Variants in HOXA5 observed in about 807,000 individuals in gnomAD.
HOXA5 encodes the protein homeobox protein Hox-A5.
Under a neutral mutation model 20.0 loss-of-function variants are expected in HOXA5, and 12 were observed. The ratio of observed to expected loss-of-function variants is 0.60; its 90% confidence interval spans 0.38 to 0.97. HOXA5 has a LOEUF of 0.97. HOXA5 is among the 50% of genes least tolerant of loss of function. HOXA5 has a pLI of 0.00. For synonymous variants in HOXA5, 159 were observed against 157.7 expected (o/e 1.01, Z -0.06); for missense variants, 352 against 380.3 (o/e 0.93, Z 0.62).
intron 1 of HOXA5, chr7:27,142,726 C>T (rs1413306030): frequency 2.8e-6 from 1 of 358,610 alleles, no homozygotes; most frequent in Non-Finnish European, 5.0e-6. Flanking sequence ...CATCCTCTAC[C>T]TCTCTGCGCC....
In HOXA5 at chr7:27,143,515, G is replaced by C. The variant is rs1175219904; in HGVS notation, c.93C>G (p.Ser31Arg). The change falls in exon 1 of 2, where the codon AGC becomes AGG. Residue 31 changes from serine to arginine, a missense_variant. By Grantham distance (110) the Ser-to-Arg change is moderately radical (BLOSUM62 -1). Transcript: ENST00000222726. ...LHNYGDHSSV[S>R]EQFRDSASMH... ...TGCTCGCCGAGTCCCTGAATTGCTC[G>C]CTCACGGAACTATGATCTCCATAAT... The C allele has an allele frequency of 3.7e-6, 6 of 1,613,754 alleles. No individual in the cohort carries two copies. The highest frequency in any genetic ancestry group is 5.1e-6 in the Non-Finnish European group (6 of 1,179,868).
Position 27,141,771 on chromosome 7 carries a change from C to G in HOXA5, c.*64G>C. The G allele has an allele frequency of 6.4e-7, 1 of 1,550,520 alleles. No individual in the cohort carries two copies. Among genetic ancestry groups the G allele is most frequent in the South Asian group, 1.2e-5 (1 of 80,366 alleles). On this transcript the variant is annotated 3_prime_UTR_variant, in exon 2 of 2. Transcript: ENST00000222726. The stretch of plus-strand genomic sequence containing the variant: ...GGAACACAAGGGAGTTTCAGAAAGT[C>G]ACCTTAGTACTGACACTACGCGGGA...
Position 27,143,374 on chromosome 7 carries a change from G to C in HOXA5, c.234C>G (p.Ser78Arg), listed in dbSNP as rs1188085568. The change falls in exon 1 of 2, where the codon AGC becomes AGG. Residue 78 changes from serine to arginine, a missense_variant. By Grantham distance (110) the Ser-to-Arg change is moderately radical. Coordinates refer to ENST00000222726, the MANE Select transcript of HOXA5 (RefSeq NM_019102.4). The part of the protein sequence containing the change: ...ERARSYAASA[S>R]AAPAEPRYSQ... ...TGTACCTGGGCTCGGCGGGCGCCGC[G>C]CTGGCGCTGGCAGCGTAGCTGCGGG... 2 of 1,591,152 alleles carry C rather than the reference G, an allele frequency of 1.3e-6. No individual in the cohort carries two copies. The highest frequency in any genetic ancestry group is 8.5e-7 in the Non-Finnish European group (1 of 1,172,540).
rs879077665 is a variant in HOXA5, at chr7:27,141,614, T to G, written c.*221A>C. Reference sequence around the variant, plus strand: ...AATAAGTTAAAACATCTATTTTTTTTCAAGACAAAGCCATTCAGGACAAAG... The same window carrying G: ...AATAAGTTAAAACATCTATTTTTTTGCAAGACAAAGCCATTCAGGACAAAG... On this transcript the variant is annotated 3_prime_UTR_variant, in exon 2 of 2. Transcript: ENST00000222726. 1 of 447,864 alleles carries G rather than the reference T, an allele frequency of 2.2e-6. No individual in the cohort carries two copies. The allele number at this position is 447,864 out of a possible 1,614,324, so 27.7% of individuals were successfully genotyped here.
At chr7:27,142,718 T>C in intron 1 of HOXA5, 1 of 339,188 alleles carries the variant, frequency 2.9e-6, no homozygotes, top group Non-Finnish European at 5.3e-6. Flanking sequence ...GCTACAGCCA[T>C]CCTCTACCTC....
In HOXA5 at chr7:27,143,277, C is replaced by T. The variant is rs763754207; in HGVS notation, c.331G>A (p.Gly111Ser). 2 of 1,605,538 alleles carry T rather than the reference C, an allele frequency of 1.2e-6. No homozygotes were observed. Among genetic ancestry groups the T allele is most frequent in the Non-Finnish European group, 8.5e-7 (1 of 1,178,058 alleles). ...TTCCCGCCGTGGTGGCTGTCGCTGC[C>T]GGGCGAGGGGGCCACGGCGGAGCAG... Reference protein sequence around the residue: ...LPCSAVAPSPGSDSHHGGKNS... With the variant: ...LPCSAVAPSPSSDSHHGGKNS... Residue 111 changes from glycine to serine, a missense_variant, in exon 1 of 2, where the codon GGC (glycine) becomes AGC (serine). Transcript: ENST00000222726.
At chr7:27,142,370 C>T (rs1474597260) in intron 1 of HOXA5, among the ~76,000 whole-genome samples, 1 of 152,176 alleles carries the variant, frequency 6.6e-6, no homozygotes, top group South Asian at 2.1e-4. Context: ...CCCCGGGCGC[C>T]CCGATCGGGA....
At chr7:27,142,915 C>G in intron 1 of HOXA5, 131 bp downstream of exon 1, 3 of 831,106 alleles carry the variant, frequency 3.6e-6, no homozygotes, top group Non-Finnish European at 3.7e-6. Context: ...GGAGGGAGAA[C>G]GGCAAGGAGA....
At chr7:27,142,119 C>T (rs753574439) in intron 1 of HOXA5, 34 bp from the exon 2 acceptor site, 1 of 1,598,926 alleles carries the variant, frequency 6.3e-7, no homozygotes, top group South Asian at 1.1e-5. Flanking sequence ...TAGCCACCAA[C>T]TCCTGTCTTC....
chr7:27,142,931 G>A, intron 1 of HOXA5, 115 bp downstream of exon 1: 1 of 1,001,074 alleles, frequency 1.0e-6, no homozygotes, highest in South Asian at 1.7e-5. Context: ...GGAGAGCTCC[G>A]CAGGGCTGGG....
intron 1 of HOXA5, 61 bp downstream of exon 1, chr7:27,142,985 G>T: frequency 7.1e-7 from 1 of 1,413,652 alleles, no homozygotes; most frequent in Non-Finnish European, 9.5e-7. Context: ...GCAGAGAAGA[G>T]AGGGGGGACC....
Position 27,143,289 on chromosome 7 carries a change from C to T in HOXA5, c.319G>A (p.Ala107Thr). Residue 107 changes from alanine (A) to threonine (T), a missense_variant, in exon 1 of 2, where the codon GCC becomes ACC. Ala to Thr is a moderately conservative substitution (Grantham distance 58, BLOSUM62 0). This residue lies in a region of HOXA5 where 319 missense variants were observed against 336.5 expected (regional missense o/e 0.95). Transcript: ENST00000222726. ...TGGCTGTCGCTGCCGGGCGAGGGGG[C>T]CACGGCGGAGCAGGGCAGCGGATCG... ...QPDPLPCSAV[A>T]PSPGSDSHHG... 1.2e-6 allele frequency: 2 copies of T among 1,603,338 alleles called. No homozygotes were observed. The highest frequency in any genetic ancestry group is 2.2e-5 in the South Asian group (2 of 90,606).
At position 27,141,784 on chromosome 7, in the gene HOXA5, A is replaced by C. The variant is rs1001169296; in HGVS notation, c.*51T>G. On this transcript the variant is annotated 3_prime_UTR_variant, in exon 2 of 2. Coordinates refer to ENST00000222726, the MANE Select transcript of HOXA5 (RefSeq NM_019102.4). ...GTTTCAGAAAGTCACCTTAGTACTG[A>C]CACTACGCGGGATCCGCTAATACTG... 17 of 1,588,560 alleles carry C rather than the reference A, an allele frequency of 1.1e-5. No individual in the cohort carries two copies. The highest frequency in any genetic ancestry group is 1.3e-5 in the Non-Finnish European group (15 of 1,166,388).
At position 27,142,749 on chromosome 7, in the gene HOXA5, C is replaced by G. The variant is rs780001752; in HGVS notation, c.562+297G>C. 9.2e-4 allele frequency: 367 copies of G among 398,398 alleles called. 4 individuals carry two copies. The highest frequency in any genetic ancestry group is 7.1e-4 in the Admixed American group (16 of 22,532). The allele number at this position is 398,398 out of a possible 1,614,324, so 24.7% of individuals were successfully genotyped here. A position where few individuals can be genotyped will look rare whatever the true frequency, so the allele number is the denominator to read the frequency against. On this transcript the variant is annotated intron_variant, in intron 1 of 1. Coordinates refer to ENST00000222726, the MANE Select transcript of HOXA5 (RefSeq NM_019102.4). ...ACCTCTCTGCGCCTTGCTCGGCTGG[C>G]CTGACCCGGGAGCGCGTCCCAAGGC...
At position 27,143,594 on chromosome 7, in the gene HOXA5, A is replaced by G; in HGVS notation, c.14T>C (p.Phe5Ser). 1 of 1,596,222 alleles carries G rather than the reference A, an allele frequency of 6.3e-7. No homozygotes were observed. Among genetic ancestry groups the G allele is most frequent in the Non-Finnish European group, 8.6e-7 (1 of 1,169,344 alleles). ...ATAGCGACCGCAAAATGAGTTTACA[A>G]AATAAGAGCTCATTTGTTTTTTGAT... is the stretch of plus-strand genomic sequence containing the variant. MSSY[F>S]VNSFCGRYPN... The change falls in exon 1 of 2, where the codon TTT becomes TCT. Residue 5 changes from phenylalanine to serine, a missense_variant. By Grantham distance (155) the Phe-to-Ser change is radical. Transcript: ENST00000222726.
chr7:27,143,467 G>A lies in HOXA5; in HGVS notation c.141C>T (p.Tyr47=). 2 of 1,613,864 alleles carry A rather than the reference G, an allele frequency of 1.2e-6. No homozygotes were observed. The highest frequency in any genetic ancestry group is 1.7e-6 in the Non-Finnish European group (2 of 1,179,936). ...SASMHSGRYG[Y]GYNGMDLSVG... ...CGCTGAGATCCATGCCATTGTAGCC[G>A]TAGCCGTACCTGCCGGAGTGCATGC... Residue 47 remains tyrosine (Y), a synonymous_variant, in exon 1 of 2, where the codon TAC becomes TAT. Transcript: ENST00000222726.
At position 27,143,058 on chromosome 7, in the gene HOXA5, G is replaced by T; in HGVS notation, c.550C>A (p.His184Asn). 1 of 1,529,252 alleles carries T rather than the reference G, an allele frequency of 6.5e-7. No individual in the cohort carries two copies. Among genetic ancestry groups the T allele is most frequent in the Non-Finnish European group, 8.7e-7 (1 of 1,144,446 alleles). 94.7% of individuals were successfully genotyped at this position (1,529,252 alleles called of 1,614,324 possible). A position where few individuals can be genotyped will look rare whatever the true frequency, so the allele number is the denominator to read the frequency against. ...AGGCTGGCTTTACCATGACTTATGT[G>T]CAGCTTGCGCATCCAGGGGTAGATC... ...PQIYPWMRKLHISHDNIGGPE... is the reference protein window; with the variant it reads ...PQIYPWMRKLNISHDNIGGPE... The change falls in exon 1 of 2, where the codon CAC becomes AAC. Residue 184 changes from histidine to asparagine, a missense_variant. By Grantham distance (68) the His-to-Asn change is moderately conservative. Around this residue, in one of 3 missense-constraint regions of HOXA5, gnomAD observed 319 missense variants for 336.5 expected, o/e 0.95. Transcript: ENST00000222726.
At position 27,141,566 on chromosome 7, in the gene HOXA5, A is replaced by C. The variant is rs1782570498; in HGVS notation, c.*269T>G. 1 of 325,972 alleles carries C rather than the reference A, an allele frequency of 3.1e-6. No individual in the cohort carries two copies. Among genetic ancestry groups the C allele is most frequent in the Non-Finnish European group, 5.6e-6 (1 of 178,598 alleles). 20.2% of individuals were successfully genotyped at this position (325,972 alleles called of 1,614,324 possible). On this transcript the variant is annotated 3_prime_UTR_variant, in exon 2 of 2. Transcript: ENST00000222726. ...TTCTTTTTTTGTTATAGTTACTTCA[A>C]GTAACACAGCTTGCTTCATATAAAT...
In HOXA5 at chr7:27,141,274, G is replaced by A. The variant is rs1322870800; in HGVS notation, c.*561C>T. 1 of 153,158 alleles carries A rather than the reference G, an allele frequency of 6.5e-6. No homozygotes were observed. The allele number at this position is 153,158 out of a possible 1,614,324, so 9.5% of individuals were successfully genotyped here. A position where few individuals can be genotyped will look rare whatever the true frequency, so the allele number is the denominator to read the frequency against. On this transcript the variant is annotated 3_prime_UTR_variant, in exon 2 of 2. Transcript: ENST00000222726. The stretch of plus-strand genomic sequence containing the variant: ...CAAAGGGTCCTATAAAGGCACGCAG[G>A]GACACACCGCTTGGAGTCACAGTTT...
Sources: gnomAD v4.1 joint callset for allele counts (sites outside exome capture counted in the v4.1 genomes callset) on GRCh38, gnomAD v4.1.1 for gene constraint, gnomAD v4.1.1 regional missense constraint, MANE v1.5 for transcripts, NCBI Gene and HGNC (gene_info 2026-07-23, HGNC 2026-07-21) for gene names.